The following ANO4 variants were observed in gnomAD, a reference collection of about 807,000 sequenced individuals.
ANO4 encodes anoctamin-4.
ANO4 carries 69 observed loss-of-function variants against 141.9 expected under a neutral mutation model. The observed-to-expected ratio is 0.49, with a 90% CI of 0.40 to 0.59. The LOEUF (loss-of-function observed/expected upper bound fraction) is 0.59. Among genes scored for constraint, ANO4 ranks in the 20% least tolerant of loss-of-function variants. The pLI, the probability that ANO4 is intolerant of heterozygous loss-of-function variation, is 0.00. For missense variants in ANO4, 894 were observed against 1,162.2 expected (o/e 0.77, Z 3.36); for synonymous variants, 350 against 394.3 (o/e 0.89, Z 1.33).
At chr12:101,107,428 A>G (rs1297586514) in intron 22 of ANO4, among the ~76,000 whole-genome samples, 2 of 152,214 alleles carry the variant, frequency 1.3e-5, no homozygotes, top group African/African-American at 4.8e-5. Context: ...TATGGTGGTG[A>G]GCAGAGTTGT....
intron 5 of ANO4, among the ~76,000 whole-genome samples, chr12:100,967,985 C>T (rs1052387356): frequency 6.6e-6 from 1 of 152,198 alleles, no homozygotes; most frequent in Non-Finnish European, 1.5e-5. Flanking sequence ...CTTGTCACCT[C>T]TCTTTCTCCT....
At chr12:100,792,288 A>T (rs1214636584), upstream of ANO4, among the ~76,000 whole-genome samples, 1 of 152,348 alleles carries the variant, frequency 6.6e-6, no homozygotes, top group Non-Finnish European at 1.5e-5. Context: ...TAAGTGGCAG[A>T]TACAGGTACA....
Position 101,097,854 on chromosome 12 carries a change from C to T in ANO4, c.1915C>T (p.Pro639Ser), listed in dbSNP as rs982652977. ...INRWRLEECH[P>S]SGCLIDLCMQ... ...GTGTTTGCTTACCTTGCAGTGCCAC[C>T]CTAGTGGATGCCTTATTGATCTGTG... The change falls in exon 21 of 28, where the codon CCT becomes TCT. Residue 639 changes from proline (P) to serine (S), a missense_variant. Transcript: ENST00000392977. 60 of 1,613,532 alleles carry T rather than the reference C, an allele frequency of 3.7e-5. No homozygotes were observed. The highest frequency in any genetic ancestry group is 4.9e-5 in the Non-Finnish European group (58 of 1,179,688).
chr12:100,782,071 GTCTT>G lies in ANO4; in HGVS notation c.358+41967_358+41970del, dbSNP rs1388386336. On this transcript the variant is annotated intron_variant, in intron 3 of 29. Coordinates refer to the ANO4 transcript ENST00000644049. ...CACAACTTAATCTTATCATTAGTCT[GTCTT>G]CTCTCCTTTCTCAAAAGCTGGGTCA... Among the ~76,000 whole-genome samples the G allele has an allele frequency of 5.9e-5, 9 of 152,262 alleles. No homozygotes were observed. The South Asian group carries it at 1.9e-3, about 32-fold the overall frequency.
At chr12:100,941,959 T>A (rs559370501) in intron 4 of ANO4, among the ~76,000 whole-genome samples, 15 of 53,136 alleles carry the variant, frequency 2.8e-4, no homozygotes, top group African/African-American at 5.2e-4. Flanking sequence ...ATGAAAAAAA[T>A]TATTATTATT....
At chr12:101,077,342 T>G (rs2049063098) in intron 14 of ANO4, among the ~76,000 whole-genome samples, 1 of 152,186 alleles carries the variant, frequency 6.6e-6, no homozygotes, top group African/African-American at 2.4e-5. Context: ...AGATTTTGCT[T>G]TATAGTGTTT....
intron 2 of ANO4, among the ~76,000 whole-genome samples, chr12:100,912,150 C>T (rs939269320): frequency 6.6e-6 from 1 of 151,976 alleles, no homozygotes; most frequent in Non-Finnish European, 1.5e-5. Context: ...AATCCTAGCA[C>T]TTTGGGAGGC....
chr12:100,849,864 C>A (rs2135845927), intron 1 of ANO4, among the ~76,000 whole-genome samples: 1 of 152,282 alleles, frequency 6.6e-6, no homozygotes, highest in African/African-American at 2.4e-5. Flanking sequence ...ATACCTGGGA[C>A]CTTGTGGGCT....
chr12:100,756,235 C>T (rs1441161418), intron 3 of ANO4, among the ~76,000 whole-genome samples: 1 of 152,168 alleles, frequency 6.6e-6, no homozygotes, highest in East Asian at 1.9e-4. Flanking sequence ...GCCAATATTT[C>T]AATATTGTGT....
chr12:100,748,774 A>G (rs1247452586), intron 3 of ANO4, among the ~76,000 whole-genome samples: 4 of 151,236 alleles, frequency 2.6e-5, no homozygotes, highest in Admixed American at 2.0e-4. Context: ...GCCTTTTCTG[A>G]TTTTAATTGA....
chr12:100,776,592 G>A (rs777839105), intron 3 of ANO4, among the ~76,000 whole-genome samples: 22 of 152,212 alleles, frequency 1.4e-4, no homozygotes, highest in Non-Finnish European at 2.5e-4. Context: ...AACTTTTAAT[G>A]TGAAGGGGCT....
intron 26 of ANO4, among the ~76,000 whole-genome samples, chr12:101,124,184 A>G (rs2051212105): frequency 6.6e-6 from 1 of 152,108 alleles, no homozygotes; most frequent in Non-Finnish European, 1.5e-5. Flanking sequence ...ATGGTATCTC[A>G]TTGTGATTTT....
At chr12:100,990,747 AGT>A (rs2045058226) in intron 8 of ANO4, among the ~76,000 whole-genome samples, 1 of 152,174 alleles carries the variant, frequency 6.6e-6, no homozygotes, top group Non-Finnish European at 1.5e-5. Context: ...GAGGTTGGTA[AGT>A]GATGAGGATT....
chr12:100,826,175 T>C (rs1445248347), intron 1 of ANO4, among the ~76,000 whole-genome samples: 1 of 151,948 alleles, frequency 6.6e-6, no homozygotes, highest in African/African-American at 2.4e-5. Context: ...AAAGACAGTG[T>C]AACAGAGTGA....
chr12:101,097,535 A>T, intron 19 of ANO4, 116 bp from the exon 20 acceptor site: 1 of 978,592 alleles, frequency 1.0e-6, no homozygotes, highest in Non-Finnish European at 1.6e-6. Flanking sequence ...ATTCCCCCAG[A>T]CCTACTACTT....
intron 3 of ANO4, among the ~76,000 whole-genome samples, chr12:100,785,138 T>C (rs898273526): frequency 6.6e-6 from 1 of 152,122 alleles, no homozygotes; most frequent in African/African-American, 2.4e-5. Context: ...TGTACAGAGA[T>C]TTCCCACACA....
chr12:100,814,345 C>T (rs1038900241), intron 1 of ANO4, among the ~76,000 whole-genome samples: 1 of 152,108 alleles, frequency 6.6e-6, no homozygotes, highest in African/African-American at 2.4e-5. Context: ...ATTTTTGTCA[C>T]CCCAATACGA....
At chr12:100,732,327 G>A (rs1001612715) in intron 1 of ANO4, among the ~76,000 whole-genome samples, 4 of 152,134 alleles carry the variant, frequency 2.6e-5, no homozygotes, top group Admixed American at 6.5e-5. Context: ...GGTGTCTGAC[G>A]TGGAGCATCT....
chr12:100,718,184 G>A (rs1593221709), intron 1 of ANO4, among the ~76,000 whole-genome samples: 1 of 152,162 alleles, frequency 6.6e-6, no homozygotes, highest in Non-Finnish European at 1.5e-5. Flanking sequence ...GTATTGCATG[G>A]TTCTGAAGGA....
Sources: gnomAD v4.1 joint callset for allele counts (sites outside exome capture counted in the v4.1 genomes callset) on GRCh38, gnomAD v4.1.1 for gene constraint, MANE v1.5 for transcripts, NCBI Gene and HGNC (gene_info 2026-07-23, HGNC 2026-07-21) for gene names.